Variants in NPEPPS observed in about 807,000 individuals in gnomAD.
The protein encoded by NPEPPS is puromycin-sensitive aminopeptidase.
In NPEPPS, 14 loss-of-function variants were observed where a neutral mutation model predicts 115.5. The ratio of observed to expected loss-of-function variants is 0.12; its 90% confidence interval spans 0.08 to 0.19. NPEPPS has a LOEUF of 0.19. Among genes scored for constraint, NPEPPS ranks in the 10% least tolerant of loss-of-function variants. NPEPPS has a pLI of 1.00. For synonymous variants in NPEPPS, 285 were observed against 390.6 expected, an observed-to-expected ratio of 0.73 and a Z score of 3.19; for missense variants, 523 against 1,110.8, an observed-to-expected ratio of 0.47 and a Z score of 7.52.
chr17:47,570,655 A>G (rs536495465), intron 3 of NPEPPS, among the ~76,000 whole-genome samples: 36 of 152,274 alleles, frequency 2.4e-4, no homozygotes, highest in Non-Finnish European at 4.6e-4. Flanking sequence ...ATACAAATCA[A>G]TTGGTGAAGT....
chr17:47,621,815 G>C lies in NPEPPS; in HGVS notation c.2655G>C (p.Gln885His). The C allele has an allele frequency of 6.2e-7, 1 of 1,613,940 alleles. No individual in the cohort carries two copies. The highest frequency in any genetic ancestry group is 1.1e-5 in the South Asian group (1 of 91,078). ...HPAPSAERTI[Q>H]QCCENILLNA... ...CTCCTTCAGCTGAGCGTACCATCCA[G>C]CAGTGTTGTGAAAATATTCTGCTGA... is the stretch of plus-strand genomic sequence containing the variant. Residue 885 changes from glutamine to histidine, a missense_variant, in exon 23 of 23, where the codon CAG becomes CAC. Around this residue, in one of 4 missense-constraint regions of NPEPPS, gnomAD observed 372 missense variants for 542.6 expected, o/e 0.69. Coordinates refer to ENST00000322157, the MANE Select transcript of NPEPPS (RefSeq NM_006310.4).
intron 3 of NPEPPS, among the ~76,000 whole-genome samples, chr17:47,579,068 C>T (rs1184766587): frequency 1.3e-5 from 2 of 152,132 alleles, no homozygotes; most frequent in Non-Finnish European, 2.9e-5. Flanking sequence ...GCACTATGCA[C>T]AATAGCACAT....
intron 22 of NPEPPS, among the ~76,000 whole-genome samples, chr17:47,620,553 C>T (rs1169760354): frequency 1.3e-5 from 2 of 152,132 alleles, no homozygotes; most frequent in East Asian, 3.8e-4. Flanking sequence ...GGATAATCCC[C>T]AGGTTTCTGG....
intron 14 of NPEPPS, among the ~76,000 whole-genome samples, chr17:47,601,253 CAT>C (rs940070317): frequency 1.3e-5 from 2 of 150,978 alleles, no homozygotes; most frequent in African/African-American, 4.9e-5. Context: ...AATATACATA[CAT>C]ATATATATAT....
intron 2 of NPEPPS, among the ~76,000 whole-genome samples, chr17:47,550,192 C>T (rs896041653): frequency 2.6e-5 from 4 of 152,086 alleles, no homozygotes; most frequent in South Asian, 4.1e-4. Flanking sequence ...CTTGGCCTCC[C>T]GAAGTGCTGG....
chr17:47,611,458 C>CAAAA (rs71141920), intron 17 of NPEPPS, among the ~76,000 whole-genome samples: 1 of 120,164 alleles, frequency 8.3e-6, no homozygotes. Context: ...GACCACATCT[C>CAAAA]AAAAAAAAAA....
chr17:47,601,010 G>T (rs1293966166), intron 14 of NPEPPS, among the ~76,000 whole-genome samples: 1 of 151,948 alleles, frequency 6.6e-6, no homozygotes, highest in African/African-American at 2.4e-5. Context: ...ATCCCTTGAG[G>T]CCAGGAGTTT....
chr17:47,556,094 T>A (rs1035522530), intron 2 of NPEPPS, among the ~76,000 whole-genome samples: 14 of 145,522 alleles, frequency 9.6e-5, no homozygotes, highest in African/African-American at 2.3e-4. Flanking sequence ...TTTTTTTTTT[T>A]AATTCATCAT....
intron 1 of NPEPPS, among the ~76,000 whole-genome samples, chr17:47,532,381 C>T (rs1204668794): frequency 6.6e-6 from 1 of 152,178 alleles, no homozygotes; most frequent in East Asian, 1.9e-4. Context: ...GCTGGCTGGG[C>T]GCGGTGGCTC....
At chr17:47,567,617 A>G (rs373721578) in intron 2 of NPEPPS, among the ~76,000 whole-genome samples, 7 of 152,010 alleles carry the variant, frequency 4.6e-5, no homozygotes, top group East Asian at 1.9e-4. Context: ...TTTTTAGTCT[A>G]TTTACAGAGT....
chr17:47,567,375 G>T (rs1005555244), intron 2 of NPEPPS, among the ~76,000 whole-genome samples: 36 of 152,024 alleles, frequency 2.4e-4, no homozygotes, highest in African/African-American at 8.5e-4. Context: ...CCTATATTTG[G>T]GTGATTCATA....
intron 2 of NPEPPS, among the ~76,000 whole-genome samples, chr17:47,558,201 C>T (rs1910185527): frequency 6.6e-6 from 1 of 151,506 alleles, no homozygotes; most frequent in South Asian, 2.1e-4. Flanking sequence ...GATCTCGGCT[C>T]ACTGCAACCT....
intron 14 of NPEPPS, 22 bp from the exon 15 acceptor site, chr17:47,601,586 T>C: frequency 5.0e-6 from 8 of 1,612,954 alleles, no homozygotes; most frequent in Non-Finnish European, 6.8e-6. Context: ...GTGCAAAATT[T>C]GTTTGTTCTT....
chr17:47,583,144 A>G (rs1911987019), intron 5 of NPEPPS, among the ~76,000 whole-genome samples: 2 of 151,548 alleles, frequency 1.3e-5, no homozygotes, highest in African/African-American at 4.8e-5. Flanking sequence ...CACCATGCCC[A>G]GCCAAGACCT....
At chr17:47,573,968 A>G (rs560905407) in intron 3 of NPEPPS, among the ~76,000 whole-genome samples, 2 of 152,304 alleles carry the variant, frequency 1.3e-5, no homozygotes, top group East Asian at 3.9e-4. Context: ...AAGTCAATAG[A>G]AAAAGAAATG....
At chr17:47,564,969 A>G (rs1219147592) in intron 2 of NPEPPS, among the ~76,000 whole-genome samples, 3 of 152,180 alleles carry the variant, frequency 2.0e-5, no homozygotes, top group Non-Finnish European at 4.4e-5. Context: ...TCCATGACAT[A>G]ATTACTTAGT....
chr17:47,533,624 A>G (rs978278902), intron 1 of NPEPPS, among the ~76,000 whole-genome samples: 15 of 152,196 alleles, frequency 9.9e-5, no homozygotes, highest in African/African-American at 3.4e-4. Context: ...ATGATTACTT[A>G]TTAAAGAAGT....
chr17:47,618,574 C>G, intron 20 of NPEPPS, 117 bp downstream of exon 20: 1 of 673,536 alleles, frequency 1.5e-6, no homozygotes, highest in East Asian at 2.7e-5. Context: ...CTTCCTTTTC[C>G]AGAGTAACTG....
At chr17:47,565,289 T>G (rs959097525) in intron 2 of NPEPPS, among the ~76,000 whole-genome samples, 1 of 152,006 alleles carries the variant, frequency 6.6e-6, no homozygotes, top group African/African-American at 2.4e-5. Context: ...GGCTGGTGGA[T>G]CATGAGGTCA....
Sources: allele counts gnomAD v4.1 joint callset (sites outside exome capture counted in the v4.1 genomes callset), GRCh38; gene constraint gnomAD v4.1.1; regional missense constraint gnomAD v4.1.1; transcripts MANE v1.5; gene names NCBI Gene and HGNC (gene_info 2026-07-23, HGNC 2026-07-21).